Variants in SRGAP3 observed in about 807,000 individuals in gnomAD.
SRGAP3 encodes SLIT-ROBO Rho GTPase activating protein 3.
Under a neutral mutation model 121.1 loss-of-function variants are expected in SRGAP3, and 39 were observed. The ratio of observed to expected loss-of-function variants is 0.32; its 90% confidence interval spans 0.25 to 0.42. The LOEUF is 0.42. Among genes scored for constraint, SRGAP3 ranks in the 10% least tolerant of loss-of-function variants. SRGAP3 has a pLI of 1.00. For synonymous variants in SRGAP3, 601 were observed against 570.0 expected, an observed-to-expected ratio of 1.05 and a Z score of -0.77; for missense variants, 1,213 against 1,470.6, an observed-to-expected ratio of 0.82 and a Z score of 2.86.
rs533009383 is a variant in SRGAP3 at position 8,980,823 on chromosome 3, G to C, written c.*4696C>G. The C allele has an allele frequency of 1.5e-4, 35 of 233,214 alleles. No homozygotes were observed. Among genetic ancestry groups the C allele is most frequent in the African/African-American group, 1.5e-4 (7 of 45,436 alleles). The allele number at this position is 233,214 out of a possible 1,614,324, so 14.4% of individuals were successfully genotyped here. A position where few individuals can be genotyped will look rare whatever the true frequency, so the allele number is the denominator to read the frequency against. On this transcript the variant is annotated 3_prime_UTR_variant, in exon 22 of 22. Coordinates refer to ENST00000383836, the MANE Select transcript of SRGAP3 (RefSeq NM_014850.4). ...GTTTTTCCTGTCACAATTTGGGGAGGAAGGAAACCAAAGGAAACAAAATAG... is the reference window on the plus strand; with the variant it reads ...GTTTTTCCTGTCACAATTTGGGGAGCAAGGAAACCAAAGGAAACAAAATAG...
chr3:9,133,046 T>C (rs1397613253), intron 1 of SRGAP3, among the ~76,000 whole-genome samples: 1 of 148,716 alleles, frequency 6.7e-6, no homozygotes, highest in East Asian at 1.9e-4. Flanking sequence ...ATATGATATA[T>C]TATATAGATC....
intron 1 of SRGAP3, among the ~76,000 whole-genome samples, chr3:9,360,025 G>A (rs977408464): frequency 6.6e-6 from 1 of 152,106 alleles, no homozygotes; most frequent in African/African-American, 2.4e-5. Flanking sequence ...GAACTCCTGG[G>A]CCCAAGCAAT....
At chr3:9,241,828 G>A (rs1953649397) in intron 1 of SRGAP3, among the ~76,000 whole-genome samples, 1 of 152,092 alleles carries the variant, frequency 6.6e-6, no homozygotes, top group Non-Finnish European at 1.5e-5. Context: ...CTGTAATAAT[G>A]CTCTTTGGGA....
At chr3:9,354,768 T>G (rs1453927786) in intron 1 of SRGAP3, among the ~76,000 whole-genome samples, 4 of 152,034 alleles carry the variant, frequency 2.6e-5, no homozygotes, top group Non-Finnish European at 4.4e-5. Flanking sequence ...CAAGCACCAC[T>G]GAGCTCCTCC....
intron 3 of SRGAP3, among the ~76,000 whole-genome samples, chr3:9,262,262 A>G (rs1320847613): frequency 6.6e-6 from 1 of 152,186 alleles, no homozygotes; most frequent in Non-Finnish European, 1.5e-5. Context: ...AAACATACCA[A>G]AATGTAAAGA....
chr3:8,993,190 C>G, intron 19 of SRGAP3, 135 bp from the exon 20 acceptor site: 1 of 1,381,680 alleles, frequency 7.2e-7, no homozygotes, highest in African/African-American at 1.4e-5. Flanking sequence ...GCTTGCTAGG[C>G]CACTGCCCAC....
intron 18 of SRGAP3, among the ~76,000 whole-genome samples, chr3:9,002,449 G>T (rs776394144): frequency 2.0e-5 from 3 of 152,004 alleles, no homozygotes; most frequent in Non-Finnish European, 4.4e-5. Flanking sequence ...GTGCTTAGAA[G>T]GAAATGTATG....
intron 4 of SRGAP3, among the ~76,000 whole-genome samples, chr3:9,074,466 G>A (rs1946864991): frequency 1.3e-5 from 2 of 152,168 alleles, no homozygotes; most frequent in Admixed American, 1.3e-4. Flanking sequence ...CAGCACGCAG[G>A]GCTGCTTTCC....
chr3:9,078,089 C>A (rs1168546226), intron 4 of SRGAP3, among the ~76,000 whole-genome samples: 1 of 152,040 alleles, frequency 6.6e-6, no homozygotes. Context: ...CTGAAGGTGG[C>A]GAGGTTTGGT....
intron 3 of SRGAP3, among the ~76,000 whole-genome samples, chr3:9,320,280 T>A (rs1165621677): frequency 6.6e-6 from 1 of 151,910 alleles, no homozygotes; most frequent in African/African-American, 2.4e-5. Flanking sequence ...GGAAAACTGA[T>A]ATATATGGTT....
intron 6 of SRGAP3, chr3:9,059,278 C>T (rs921483419): frequency 4.6e-5 from 7 of 152,242 alleles, no homozygotes; most frequent in African/African-American, 1.7e-4. Flanking sequence ...CCTCAAGTTC[C>T]AGACAACAGC....
intron 15 of SRGAP3, chr3:9,014,709 T>C (rs1943545036): frequency 6.6e-6 from 1 of 152,092 alleles, no homozygotes; most frequent in Admixed American, 6.6e-5. Context: ...GAAGGGTCTT[T>C]TACACACACA....
intron 18 of SRGAP3, among the ~76,000 whole-genome samples, chr3:9,003,478 C>T (rs1035928014): frequency 5.9e-5 from 3 of 51,258 alleles, no homozygotes; most frequent in Non-Finnish European, 1.2e-4. Context: ...GATTCCATCT[C>T]AAAACAAACA....
intron 3 of SRGAP3, among the ~76,000 whole-genome samples, chr3:9,266,116 A>G (rs878924357): frequency 6.6e-6 from 1 of 152,162 alleles, no homozygotes; most frequent in East Asian, 1.9e-4. Flanking sequence ...GCAAACTAAC[A>G]CAGGAACAGA....
Position 9,141,553 on chromosome 3 carries a change from G to GGGGT in SRGAP3, c.68-16637_68-16636insACCC, listed in dbSNP as rs955861514. 1.5e-3 allele frequency among the ~76,000 whole-genome samples: 214 copies of GGGGT among 138,458 alleles called. 4 individuals carry two copies. The highest frequency in any genetic ancestry group is 5.6e-3 in the African/African-American group (203 of 36,468). The allele number at this position is 138,458 out of a possible 152,430, so 90.8% of individuals were successfully genotyped here. A position where few individuals can be genotyped will look rare whatever the true frequency, so the allele number is the denominator to read the frequency against. ...GAAACAAGAAGGATCTGACTTCAGG[G>GGGGT]GTGTGTGTGTGTGTGTGTGTGTGTG... On this transcript the variant is annotated intron_variant, in intron 1 of 21. Coordinates refer to ENST00000383836, the MANE Select transcript of SRGAP3 (RefSeq NM_014850.4).
chr3:9,102,694 A>T (rs115852038), intron 3 of SRGAP3, among the ~76,000 whole-genome samples: 3,998 of 152,354 alleles, frequency 0.026, 173 homozygotes, highest in African/African-American at 0.091. Flanking sequence ...CCACAGGCAC[A>T]GGCCTGGTAA....
intron 1 of SRGAP3, among the ~76,000 whole-genome samples, chr3:9,169,834 G>A (rs571246708): frequency 6.6e-6 from 1 of 152,326 alleles, no homozygotes; most frequent in African/African-American, 2.4e-5. Context: ...TGAAGGGGAG[G>A]ATGGGTTAGG....
At chr3:9,331,545 T>C (rs1040665670) in intron 1 of SRGAP3, among the ~76,000 whole-genome samples, 1 of 152,138 alleles carries the variant, frequency 6.6e-6, no homozygotes, top group Non-Finnish European at 1.5e-5. Context: ...AATAATTCTC[T>C]CCTCGATAAC....
intron 18 of SRGAP3, among the ~76,000 whole-genome samples, chr3:9,005,122 T>A (rs1445876589): frequency 6.6e-6 from 1 of 152,118 alleles, no homozygotes; most frequent in Non-Finnish European, 1.5e-5. Flanking sequence ...AATTTAAAAA[T>A]GGGCAAAGGA....
Sources: allele counts gnomAD v4.1 joint callset (sites outside exome capture counted in the v4.1 genomes callset), GRCh38; gene constraint gnomAD v4.1.1; transcripts MANE v1.5; gene names NCBI Gene and HGNC (gene_info 2026-07-23, HGNC 2026-07-21).